The following PRKN variants were observed in gnomAD, a reference collection of about 807,000 sequenced individuals.
The protein encoded by PRKN is E3 ubiquitin-protein ligase parkin.
In PRKN, 56 loss-of-function variants were observed where a neutral mutation model predicts 59.5. That is an observed-to-expected ratio of 0.94 (90% CI 0.76 to 1.18). PRKN has a LOEUF of 1.18. Among genes scored for constraint, PRKN ranks in the 50% most tolerant of loss-of-function variants. PRKN has a pLI of 0.00. For synonymous variants in PRKN, 250 were observed against 222.1 expected, an observed-to-expected ratio of 1.13 and a Z score of -1.12; for missense variants, 657 against 596.4, an observed-to-expected ratio of 1.10 and a Z score of -1.06.
rs566624604 is a variant in PRKN, at chr6:162,539,712, C to T, written c.8-96239G>A. Among the ~76,000 whole-genome samples, 3 of 152,290 alleles carry T rather than the reference C, an allele frequency of 2.0e-5. No individual in the cohort carries two copies. In the South Asian group the frequency reaches 6.2e-4, roughly 32 times the overall value. On this transcript the variant is annotated intron_variant, in intron 1 of 11. Transcript: ENST00000366898. ...AACAGAAGAAAATCCCTATTCACATCTACGTAGAGAAAATACTGGGCTGCT... is the reference window on the plus strand; with the variant it reads ...AACAGAAGAAAATCCCTATTCACATTTACGTAGAGAAAATACTGGGCTGCT...
chr6:162,675,348 C>T (rs1204422251), intron 1 of PRKN, among the ~76,000 whole-genome samples: 4 of 152,032 alleles, frequency 2.6e-5, no homozygotes, highest in South Asian at 2.1e-4. Flanking sequence ...CACACCCAGC[C>T]CATTTTTAAA....
At chr6:161,790,297 G>A (rs747354076) in intron 6 of PRKN, among the ~76,000 whole-genome samples, 2 of 152,200 alleles carry the variant, frequency 1.3e-5, no homozygotes, top group African/African-American at 2.4e-5. Context: ...TGATCAAAAA[G>A]ATGTATCAGG....
At chr6:161,900,928 A>ATATATATATATAT (rs377615355) in intron 6 of PRKN, among the ~76,000 whole-genome samples, 2 of 143,512 alleles carry the variant, frequency 1.4e-5, no homozygotes, top group African/African-American at 5.2e-5. Flanking sequence ...ATATATATAT[A>ATATATATATATAT]TTTTTTAGAT....
chr6:161,535,470 A>G (rs1206319976), intron 9 of PRKN, among the ~76,000 whole-genome samples: 2 of 152,192 alleles, frequency 1.3e-5, no homozygotes, highest in Non-Finnish European at 2.9e-5. Flanking sequence ...ATAAAAGGAG[A>G]CAGAAAAGAC....
chr6:162,215,439 T>A (rs1398000814), intron 3 of PRKN, among the ~76,000 whole-genome samples: 1 of 152,216 alleles, frequency 6.6e-6, no homozygotes, highest in East Asian at 1.9e-4. Context: ...CCCATTAAAA[T>A]GACATGCAAT....
chr6:161,425,392 A>C (rs1562439734), intron 9 of PRKN, among the ~76,000 whole-genome samples: 1 of 152,188 alleles, frequency 6.6e-6, no homozygotes, highest in Non-Finnish European at 1.5e-5. Flanking sequence ...TCCTGATCTG[A>C]AAGTTCACAG....
At chr6:161,931,173 C>T (rs1036700346) in intron 6 of PRKN, among the ~76,000 whole-genome samples, 13 of 152,112 alleles carry the variant, frequency 8.5e-5, no homozygotes, top group Non-Finnish European at 1.3e-4. Context: ...TGGTGGCTCA[C>T]GCCTGTAATC....
At chr6:162,261,379 T>C (rs557688948) in intron 3 of PRKN, among the ~76,000 whole-genome samples, 2 of 152,196 alleles carry the variant, frequency 1.3e-5, no homozygotes, top group African/African-American at 4.8e-5. Context: ...TCTGGTCTCA[T>C]ACACACTCAA....
intron 1 of PRKN, among the ~76,000 whole-genome samples, chr6:162,682,381 A>G (rs1779804310): frequency 2.0e-5 from 3 of 152,352 alleles, no homozygotes; most frequent in Non-Finnish European, 4.4e-5. Context: ...GGTAGCCTGG[A>G]TAAAGAAAAT....
At position 161,807,239 on chromosome 6, in the gene PRKN, G is replaced by A. The variant is rs534544727; in HGVS notation, c.735-21331C>T. Among the ~76,000 whole-genome samples the A allele has an allele frequency of 3.3e-5, 5 of 152,186 alleles. No individual in the cohort carries two copies. The East Asian group carries it at 5.8e-4, about 18-fold the overall frequency. The stretch of plus-strand genomic sequence containing the variant: ...AGAGAGGTGGAGGCAACAGTCACAC[G>A]TGTGCACACACACACGAATACACAC... On this transcript the variant is annotated intron_variant, in intron 6 of 11. Coordinates refer to ENST00000366898, the MANE Select transcript of PRKN (RefSeq NM_004562.3).
In PRKN at chr6:162,497,542, T is replaced by A. The variant is rs187924781; in HGVS notation, c.8-54069A>T. On this transcript the variant is annotated intron_variant, in intron 1 of 11. Coordinates refer to ENST00000366898, the MANE Select transcript of PRKN (RefSeq NM_004562.3). ...CACTGTTGGACTCAAACGCCCTTTG[T>A]GCTGCATTTTCATTAATTCAAAACA... is the stretch of plus-strand genomic sequence containing the variant. Among the ~76,000 whole-genome samples, 5 of 152,374 alleles carry A rather than the reference T, an allele frequency of 3.3e-5. No individual in the cohort carries two copies. The East Asian group carries it at 9.6e-4, about 29-fold the overall frequency.
At chr6:162,414,195 A>G (rs79220797) in intron 2 of PRKN, among the ~76,000 whole-genome samples, 11,302 of 152,158 alleles carry the variant, frequency 0.074, 551 homozygotes, top group Middle Eastern at 0.11. Flanking sequence ...CAATAACAAC[A>G]AAAAAGATTT....
rs6921340 is a variant in PRKN, at chr6:161,483,750, A to C, written c.1083+65104T>G. 0.033 allele frequency among the ~76,000 whole-genome samples: 5,016 copies of C among 152,268 alleles called. 245 individuals are homozygous for C. Among genetic ancestry groups the C allele is most frequent in the African/African-American group, 0.12 (4,797 of 41,518 alleles). ...TGAGATCCTGGCAGGAGCACTGTTCACAATAGCAAAGACTTGGAATCAACC... is the reference window on the plus strand; with the variant it reads ...TGAGATCCTGGCAGGAGCACTGTTCCCAATAGCAAAGACTTGGAATCAACC... On this transcript the variant is annotated intron_variant, in intron 9 of 11. Coordinates refer to ENST00000366898, the MANE Select transcript of PRKN (RefSeq NM_004562.3). The surrounding 1 kb of genome is among the most constrained non-coding windows in gnomAD (Gnocchi z 5.0).
intron 3 of PRKN, among the ~76,000 whole-genome samples, chr6:162,233,273 T>C (rs1043995126): frequency 1.3e-5 from 2 of 152,190 alleles, no homozygotes; most frequent in East Asian, 1.9e-4. Context: ...AGAAAAAATA[T>C]AGACATTTTT....
At chr6:161,441,788 G>A (rs1248939926) in intron 9 of PRKN, among the ~76,000 whole-genome samples, 2 of 152,188 alleles carry the variant, frequency 1.3e-5, no homozygotes, top group Non-Finnish European at 2.9e-5. Flanking sequence ...GTCCCAGGAA[G>A]GGCCAAGGCT....
intron 1 of PRKN, among the ~76,000 whole-genome samples, chr6:162,564,294 G>A (rs1412588032): frequency 1.3e-5 from 2 of 151,656 alleles, no homozygotes; most frequent in Non-Finnish European, 2.9e-5. Context: ...GCAGTGAGCT[G>A]AGATAACACC....
rs1005936291 is a variant in PRKN at position 162,721,332 on chromosome 6, A to G, written c.7+6330T>C. Among the ~76,000 whole-genome samples the G allele has an allele frequency of 6.6e-5, 10 of 152,214 alleles. 1 individual carries two copies. Among genetic ancestry groups the G allele is most frequent in the South Asian group, 2.1e-4 (1 of 4,834 alleles). On this transcript the variant is annotated intron_variant, in intron 1 of 11. Transcript: ENST00000366898. ...GCTGGCACTAGTGTAACTATTTTCT[A>G]CAACGTTCTATTTCATAACTTTCTA...
intron 1 of PRKN, among the ~76,000 whole-genome samples, chr6:162,590,632 C>T (rs757563227): frequency 4.6e-5 from 7 of 152,150 alleles, no homozygotes; most frequent in Non-Finnish European, 8.8e-5. Flanking sequence ...ACATAGACAG[C>T]TGGCTCTAGT....
chr6:161,962,540 CTTTTTT>C (rs567987319), intron 6 of PRKN, among the ~76,000 whole-genome samples: 42 of 136,164 alleles, frequency 3.1e-4, no homozygotes, highest in African/African-American at 1.1e-3. Flanking sequence ...AATGTAGCAC[CTTTTTT>C]TTTTTTTTTT....
Sources: gnomAD v4.1 joint callset for allele counts (sites outside exome capture counted in the v4.1 genomes callset) on GRCh38, gnomAD v4.1.1 for gene constraint, Gnocchi (gnomAD v3.1) non-coding constraint, MANE v1.5 for transcripts, NCBI Gene and HGNC (gene_info 2026-07-23, HGNC 2026-07-21) for gene names.